CSMD1: variants seen among roughly 807,000 people sequenced by gnomAD.
CSMD1 encodes CUB and Sushi multiple domains 1.
CSMD1 carries 213 observed loss-of-function variants against 417.5 expected under a neutral mutation model. The observed-to-expected ratio is 0.51, with a 90% CI of 0.46 to 0.57. CSMD1 has a LOEUF of 0.57. Ranked by LOEUF, CSMD1 falls within the 20% of genes least tolerant of loss-of-function variation. The pLI is 0.00. For synonymous variants in CSMD1, 2,862 were observed against 1,736.8 expected, an observed-to-expected ratio of 1.65 and a Z score of -16.11; for missense variants, 6,923 against 4,529.7, an observed-to-expected ratio of 1.53 and a Z score of -15.17.
intron 1 of CSMD1, among the ~76,000 whole-genome samples, chr8:4,847,976 C>T (rs1176116203): frequency 1.3e-5 from 2 of 152,136 alleles, no homozygotes; most frequent in Non-Finnish European, 2.9e-5. Context: ...GGCAAACACA[C>T]ACCACCCTCT....
intron 1 of CSMD1, among the ~76,000 whole-genome samples, chr8:4,681,140 T>C (rs977613373): frequency 6.6e-6 from 1 of 152,156 alleles, no homozygotes; most frequent in Non-Finnish European, 1.5e-5. Context: ...ATTTTTGACA[T>C]AGGCATGAAT....
intron 30 of CSMD1, among the ~76,000 whole-genome samples, chr8:3,214,209 C>A (rs1235023662): frequency 1.3e-5 from 2 of 151,912 alleles, no homozygotes; most frequent in African/African-American, 2.4e-5. Flanking sequence ...CTAATTAGCA[C>A]CTCTTATAAA....
intron 2 of CSMD1, among the ~76,000 whole-genome samples, chr8:4,490,276 G>A (rs535324687): frequency 6.6e-5 from 10 of 152,126 alleles, no homozygotes; most frequent in South Asian, 6.2e-4. Context: ...TGCTGACCTC[G>A]TGATCCACTC....
intron 3 of CSMD1, among the ~76,000 whole-genome samples, chr8:4,171,942 G>C (rs910883957): frequency 1.2e-4 from 18 of 152,094 alleles, no homozygotes; most frequent in African/African-American, 4.3e-4. Context: ...TCTAGATTTT[G>C]TGTTCTTTCT....
chr8:4,063,145 TAG>T (rs1799067937), intron 3 of CSMD1, among the ~76,000 whole-genome samples: 1 of 152,238 alleles, frequency 6.6e-6, no homozygotes, highest in South Asian at 2.1e-4. Flanking sequence ...TCAAAATGCC[TAG>T]AAGATTTGGA....
intron 5 of CSMD1, among the ~76,000 whole-genome samples, chr8:3,818,492 G>C (rs1461656460): frequency 1.3e-5 from 2 of 152,106 alleles, no homozygotes; most frequent in Non-Finnish European, 2.9e-5. Context: ...TGCTTTCTTA[G>C]GCATGAGAGA....
rs538699274 is a variant in CSMD1, at chr8:3,203,361, G to C, written c.4985-1636C>G. Among the ~76,000 whole-genome samples, 4 of 152,284 alleles carry C rather than the reference G, an allele frequency of 2.6e-5. No homozygotes were observed. The South Asian group carries it at 8.3e-4, about 32-fold the overall frequency. On this transcript the variant is annotated intron_variant, in intron 31 of 69. Transcript: ENST00000635120. ...CAGTGAGCAAACTCAATTGCCAAGA[G>C]AGAAAAGCTGTTCACTGCTATCTAC...
intron 5 of CSMD1, among the ~76,000 whole-genome samples, chr8:3,794,345 A>C (rs1404990795): frequency 6.6e-6 from 1 of 152,186 alleles, no homozygotes; most frequent in Non-Finnish European, 1.5e-5. Flanking sequence ...GAGTAAACAT[A>C]TGTTTGCTAA....
intron 3 of CSMD1, among the ~76,000 whole-genome samples, chr8:4,302,997 A>C (rs1251823407): frequency 6.6e-6 from 1 of 152,156 alleles, no homozygotes; most frequent in Admixed American, 6.6e-5. Flanking sequence ...TCAAATAGAC[A>C]CAAAATCCAA....
chr8:3,799,253 A>AT (rs566306469), intron 5 of CSMD1, among the ~76,000 whole-genome samples: 4,887 of 149,974 alleles, frequency 0.033, 108 homozygotes, highest in African/African-American at 0.069. Context: ...TGATCACAGC[A>AT]TTTTTTTTTA....
chr8:3,306,535 C>G (rs1029161362), intron 25 of CSMD1, among the ~76,000 whole-genome samples: 3 of 152,118 alleles, frequency 2.0e-5, no homozygotes, highest in African/African-American at 4.8e-5. Flanking sequence ...TGGGCTGATT[C>G]ATTTAGTCTT....
Position 3,911,169 on chromosome 8 carries a change from G to A in CSMD1, c.818+86734C>T, listed in dbSNP as rs142748497. ...GCTCTCAGAAAATCATATAATGCAAGTGTCTGCTTCCAGACGGGTCTCTGG... is the reference window on the plus strand; with the variant it reads ...GCTCTCAGAAAATCATATAATGCAAATGTCTGCTTCCAGACGGGTCTCTGG... On this transcript the variant is annotated intron_variant, in intron 5 of 69. Transcript: ENST00000635120. Among the ~76,000 whole-genome samples the A allele has an allele frequency of 7.0e-3, 1,063 of 152,232 alleles. 15 individuals carry two copies. The highest frequency in any genetic ancestry group is 0.022 in the African/African-American group (927 of 41,530).
At chr8:3,206,262 TG>T (rs1235255584) in intron 30 of CSMD1, among the ~76,000 whole-genome samples, 54 of 72,150 alleles carry the variant, frequency 7.5e-4, no homozygotes, top group African/African-American at 2.1e-3. Flanking sequence ...TATGTATGTG[TG>T]GGGGGGTATG....
intron 1 of CSMD1, among the ~76,000 whole-genome samples, chr8:4,806,424 G>C (rs1001242329): frequency 1.3e-5 from 2 of 151,558 alleles, no homozygotes; most frequent in African/African-American, 4.9e-5. Flanking sequence ...AAAGTCCCCT[G>C]GATGATGTTA....
intron 6 of CSMD1, among the ~76,000 whole-genome samples, chr8:3,725,078 G>T (rs369376911): frequency 3.6e-4 from 55 of 152,316 alleles, no homozygotes; most frequent in African/African-American, 1.3e-3. Context: ...GGAGGTTAAG[G>T]GCCCTCAGCA....
intron 23 of CSMD1, among the ~76,000 whole-genome samples, chr8:3,316,058 G>C (rs1297478983): frequency 6.6e-6 from 1 of 152,042 alleles, no homozygotes; most frequent in African/African-American, 2.4e-5. Flanking sequence ...TCTCTGTTGA[G>C]GATATTTAAA....
Position 4,205,983 on chromosome 8 carries a change from C to A in CSMD1, c.416-173884G>T, listed in dbSNP as rs114216236. On this transcript the variant is annotated intron_variant, in intron 3 of 69. Coordinates refer to ENST00000635120, the MANE Select transcript of CSMD1 (RefSeq NM_033225.6). ...TTTTCACACGTTTCCATTCTCTCTA[C>A]TTCAGGAATTTTCTTTCTCTTTCTT... Among the ~76,000 whole-genome samples the A allele has an allele frequency of 1.5e-3, 224 of 152,218 alleles. 1 individual carries two copies. Among genetic ancestry groups the A allele is most frequent in the African/African-American group, 5.0e-3 (209 of 41,546 alleles).
chr8:3,880,492 A>G (rs1291604332), intron 5 of CSMD1, among the ~76,000 whole-genome samples: 1 of 152,126 alleles, frequency 6.6e-6, no homozygotes, highest in Non-Finnish European at 1.5e-5. Context: ...ATTTCCTTAG[A>G]GTTATAAATA....
intron 3 of CSMD1, among the ~76,000 whole-genome samples, chr8:4,230,079 G>C (rs1041040913): frequency 6.6e-6 from 1 of 152,118 alleles, no homozygotes; most frequent in African/African-American, 2.4e-5. Flanking sequence ...GTGTATACAA[G>C]CTTATTAGAC....
Sources: allele counts gnomAD v4.1 joint callset (sites outside exome capture counted in the v4.1 genomes callset), GRCh38; gene constraint gnomAD v4.1.1; transcripts MANE v1.5; gene names NCBI Gene and HGNC (gene_info 2026-07-23, HGNC 2026-07-21).